The following NPSR1 variants were observed in gnomAD, a reference collection of about 807,000 sequenced individuals.
NPSR1 encodes neuropeptide S receptor.
NPSR1 carries 48 observed loss-of-function variants against 46.9 expected under a neutral mutation model. That is an observed-to-expected ratio of 1.02 (90% CI 0.81 to 1.30). The LOEUF (loss-of-function observed/expected upper bound fraction) is 1.30, where lower values mean the gene tolerates loss of function less well. NPSR1 is among the 50% of genes most tolerant of loss of function. NPSR1 has a pLI of 0.00. For missense variants in NPSR1, 450 were observed against 449.5 expected (o/e 1.00, Z -0.01); for synonymous variants, 176 against 168.1 (o/e 1.05, Z -0.36).
At chr7:34,715,857 G>C (rs76264270) in intron 2 of NPSR1, among the ~76,000 whole-genome samples, 11,187 of 152,256 alleles carry the variant, frequency 0.073, 444 homozygotes, top group Middle Eastern at 0.13. Flanking sequence ...CACCTGGGTG[G>C]TGAATAGCAC....
intron 4 of NPSR1, among the ~76,000 whole-genome samples, chr7:34,825,882 A>T (rs1789809034): frequency 6.6e-6 from 1 of 152,190 alleles, no homozygotes; most frequent in Non-Finnish European, 1.5e-5. Context: ...ATAGCAGACA[A>T]GGATAGAAAG....
chr7:34,804,884 G>A (rs537230501), intron 3 of NPSR1, among the ~76,000 whole-genome samples: 118 of 151,968 alleles, frequency 7.8e-4, no homozygotes, highest in African/African-American at 2.7e-3. Flanking sequence ...AAAGTCAGTT[G>A]TTTTTTTCCA....
Position 34,726,844 on chromosome 7 carries a change from C to G in NPSR1, c.280+42160C>G, listed in dbSNP as rs539147792. Among the ~76,000 whole-genome samples, 14 of 150,154 alleles carry G rather than the reference C, an allele frequency of 9.3e-5. No homozygotes were observed. The South Asian group carries it at 2.7e-3, about 29-fold the overall frequency. On this transcript the variant is annotated intron_variant, in intron 2 of 8. Transcript: ENST00000360581. Reference sequence around the variant, plus strand: ...TAAAAAAAAAAAAAAAAATCAGCAGCTTTCAGGGATTAGGGAGGGGGAGGG... The same window carrying G: ...TAAAAAAAAAAAAAAAAATCAGCAGGTTTCAGGGATTAGGGAGGGGGAGGG...
chr7:34,702,536 T>C (rs1000653516), intron 2 of NPSR1, among the ~76,000 whole-genome samples: 2 of 152,194 alleles, frequency 1.3e-5, no homozygotes, highest in Non-Finnish European at 1.5e-5. Flanking sequence ...TTGCCTGCTT[T>C]GAGAATGCTT....
chr7:34,869,981 T>C (rs557825710), intron 8 of NPSR1, among the ~76,000 whole-genome samples: 1 of 151,932 alleles, frequency 6.6e-6, no homozygotes, highest in East Asian at 1.9e-4. Context: ...ACTAGGCTTT[T>C]TCTTTTTCAA....
chr7:34,815,250 A>G (rs1789187324), intron 4 of NPSR1, among the ~76,000 whole-genome samples: 2 of 152,248 alleles, frequency 1.3e-5, no homozygotes, highest in African/African-American at 4.8e-5. Flanking sequence ...GCTGAAAACC[A>G]TGGCACAAGA....
chr7:34,764,740 T>G (rs1273395768), intron 2 of NPSR1, among the ~76,000 whole-genome samples: 1 of 152,162 alleles, frequency 6.6e-6, no homozygotes, highest in Non-Finnish European at 1.5e-5. Context: ...CCAATACCAT[T>G]GGAAGTCTCC....
chr7:34,685,463 T>C (rs188985037), intron 2 of NPSR1, among the ~76,000 whole-genome samples: 23 of 152,160 alleles, frequency 1.5e-4, no homozygotes, highest in African/African-American at 4.6e-4. Context: ...GGGAGCAAGA[T>C]GGCTGTTATA....
At chr7:34,830,897 C>T (rs1198284462) in intron 5 of NPSR1, among the ~76,000 whole-genome samples, 1 of 152,154 alleles carries the variant, frequency 6.6e-6, no homozygotes, top group Non-Finnish European at 1.5e-5. Flanking sequence ...GGAACAAACA[C>T]CCCTCTGGCC....
At chr7:34,743,445 C>CT (rs201399099) in intron 2 of NPSR1, among the ~76,000 whole-genome samples, 344 of 145,388 alleles carry the variant, frequency 2.4e-3, no homozygotes, top group Middle Eastern at 7.1e-3. Flanking sequence ...TCTCTGTCTT[C>CT]TTTTTTTTTT....
At chr7:34,811,513 A>C (rs1222752505) in intron 3 of NPSR1, among the ~76,000 whole-genome samples, 1 of 152,180 alleles carries the variant, frequency 6.6e-6, no homozygotes, top group Non-Finnish European at 1.5e-5. Flanking sequence ...GCACAAAAAC[A>C]GGAATACCTG....
In NPSR1 at chr7:34,779,543, G is replaced by A. The variant is rs921502654; in HGVS notation, c.384+978G>A. On this transcript the variant is annotated intron_variant, in intron 3 of 8. Coordinates refer to ENST00000360581, the MANE Select transcript of NPSR1 (RefSeq NM_207172.2). ...TTTTCATTGGTTTTATTATTTTCAG[G>A]TCATGGTAATGAAGTTATTCCATAT... The A allele has an allele frequency of 5.2e-6, 6 of 1,147,674 alleles. No homozygotes were observed. The African/African-American group carries it at 9.7e-5, about 19-fold the overall frequency. The allele number at this position is 1,147,674 out of a possible 1,614,324, so 71.1% of individuals were successfully genotyped here.
At chr7:34,703,904 A>G (rs1040845292) in intron 2 of NPSR1, 2 of 152,366 alleles carry the variant, frequency 1.3e-5, no homozygotes, top group Non-Finnish European at 2.9e-5. Flanking sequence ...GTGTTCAACA[A>G]AGAAAAGAAA....
At chr7:34,799,237 C>A (rs1027642821) in intron 3 of NPSR1, among the ~76,000 whole-genome samples, 1 of 151,464 alleles carries the variant, frequency 6.6e-6, no homozygotes, top group Non-Finnish European at 1.5e-5. Context: ...ACAGCATAAA[C>A]GTATATTATT....
chr7:34,792,637 ATGTG>A (rs1175922576), intron 3 of NPSR1, among the ~76,000 whole-genome samples: 1 of 98,056 alleles, frequency 1.0e-5, no homozygotes, highest in African/African-American at 3.6e-5. Flanking sequence ...GTGTGTGTGT[ATGTG>A]TATATATATA....
In NPSR1 at chr7:34,790,770, A is replaced by T. The variant is rs1158228543; in HGVS notation, c.384+12205A>T. On this transcript the variant is annotated intron_variant, in intron 3 of 8. Coordinates refer to ENST00000360581, the MANE Select transcript of NPSR1 (RefSeq NM_207172.2). ...TAATATATGTTATATGTTATATATA[A>T]TATATGTTATATGTTATATATATGT... is the stretch of plus-strand genomic sequence containing the variant. Among the ~76,000 whole-genome samples, 1,102 of 113,452 alleles carry T rather than the reference A, an allele frequency of 9.7e-3. 64 individuals are homozygous for T. The highest frequency in any genetic ancestry group is 0.021 in the East Asian group (78 of 3,646). 74.4% of individuals were successfully genotyped at this position (113,452 alleles called of 152,430 possible). A position where few individuals can be genotyped will look rare whatever the true frequency, so the allele number is the denominator to read the frequency against.
intron 2 of NPSR1, among the ~76,000 whole-genome samples, chr7:34,693,649 A>G (rs1035586187): frequency 2.6e-5 from 4 of 152,218 alleles, no homozygotes; most frequent in Non-Finnish European, 5.9e-5. Context: ...TAAAACCAGT[A>G]TCACCCTGAT....
downstream of NPSR1, among the ~76,000 whole-genome samples, chr7:34,852,077 C>G (rs1018142963): frequency 4.6e-5 from 7 of 152,080 alleles, no homozygotes; most frequent in African/African-American, 1.7e-4. Context: ...GTGGGCGGAT[C>G]GTGAGGCCAG....
intron 2 of NPSR1, among the ~76,000 whole-genome samples, chr7:34,759,932 G>A (rs1786075796): frequency 6.6e-6 from 1 of 152,128 alleles, no homozygotes; most frequent in Admixed American, 6.5e-5. Flanking sequence ...ATAAATAGTG[G>A]CCCAATCCCT....
Sources: gnomAD v4.1 joint callset for allele counts (sites outside exome capture counted in the v4.1 genomes callset) on GRCh38, gnomAD v4.1.1 for gene constraint, MANE v1.5 for transcripts, NCBI Gene and HGNC (gene_info 2026-07-23, HGNC 2026-07-21) for gene names.